ABL2: variants seen among roughly 807,000 people sequenced by gnomAD.
ABL2 encodes the protein ABL proto-oncogene 2, non-receptor tyrosine kinase.
In ABL2, 49 loss-of-function variants were observed where a neutral mutation model predicts 107.7. The ratio of observed to expected loss-of-function variants is 0.45; its 90% confidence interval spans 0.36 to 0.58. The LOEUF is 0.58. Among genes scored for constraint, ABL2 ranks in the 20% least tolerant of loss-of-function variants. The pLI is 0.00. For synonymous variants in ABL2, 549 were observed against 548.6 expected, an observed-to-expected ratio of 1.00 and a Z score of -0.01; for missense variants, 1,245 against 1,457.0, an observed-to-expected ratio of 0.85 and a Z score of 2.37.
intron 1 of ABL2, among the ~76,000 whole-genome samples, chr1:179,210,104 T>C (rs1181393444): frequency 2.0e-5 from 3 of 152,082 alleles, no homozygotes; most frequent in Non-Finnish European, 4.4e-5. Flanking sequence ...CCTCAAGCAA[T>C]CTTCCCCCTC....
intron 1 of ABL2, chr1:179,201,997 G>A: frequency 1.1e-6 from 1 of 907,668 alleles, no homozygotes; most frequent in Non-Finnish European, 1.4e-6. Flanking sequence ...GGAGAGGAGA[G>A]GGAAGGGAGC....
intron 1 of ABL2, among the ~76,000 whole-genome samples, chr1:179,225,586 T>C (rs182569271): frequency 1.3e-5 from 2 of 152,276 alleles, no homozygotes; most frequent in African/African-American, 4.8e-5. Context: ...GATTTAACAA[T>C]GTCTGGAGGC....
intron 1 of ABL2, among the ~76,000 whole-genome samples, chr1:179,213,311 C>G (rs191121069): frequency 6.6e-6 from 1 of 151,680 alleles, no homozygotes; most frequent in Non-Finnish European, 1.5e-5. Flanking sequence ...TATTTTTACG[C>G]TTATTTTTAT....
At chr1:179,214,519 C>CATAT (rs59744061) in intron 1 of ABL2, among the ~76,000 whole-genome samples, 6,888 of 121,788 alleles carry the variant, frequency 0.057, 197 homozygotes, top group East Asian at 0.071. Context: ...TTTAAAATGA[C>CATAT]ATATATATAT....
At chr1:179,166,776 C>CAAAA (rs34173352) in intron 1 of ABL2, among the ~76,000 whole-genome samples, 1 of 75,368 alleles carries the variant, frequency 1.3e-5, no homozygotes, top group Admixed American at 1.4e-4. Context: ...GACTTCATCT[C>CAAAA]AAAAAAAAAA....
At chr1:179,166,415 A>G (rs1196551308) in intron 1 of ABL2, among the ~76,000 whole-genome samples, 3 of 151,834 alleles carry the variant, frequency 2.0e-5, no homozygotes, top group Non-Finnish European at 2.9e-5. Flanking sequence ...AAAAAAAGAA[A>G]ATCAAACTCA....
At chr1:179,211,396 C>T (rs771648013) in intron 1 of ABL2, among the ~76,000 whole-genome samples, 13 of 151,850 alleles carry the variant, frequency 8.6e-5, no homozygotes, top group Non-Finnish European at 1.6e-4. Context: ...GTGGTATGTG[C>T]CTATAGTCCC....
intron 1 of ABL2, among the ~76,000 whole-genome samples, chr1:179,172,184 TAAAGA>T (rs1277875904): frequency 3.3e-5 from 5 of 152,292 alleles, no homozygotes; most frequent in South Asian, 4.1e-4. Context: ...ATGCTACACT[TAAAGA>T]AAAGGAAATT....
chr1:179,124,987 T>C (rs1207804117), intron 4 of ABL2, among the ~76,000 whole-genome samples: 2 of 152,204 alleles, frequency 1.3e-5, no homozygotes, highest in African/African-American at 4.8e-5. Context: ...TTAGGAGTCC[T>C]TCCCACTCCC....
intron 1 of ABL2, among the ~76,000 whole-genome samples, chr1:179,217,552 G>C (rs1396210415): frequency 6.7e-6 from 1 of 150,332 alleles, no homozygotes; most frequent in African/African-American, 2.5e-5. Flanking sequence ...TTTGAACCCA[G>C]TGGGTGGAGG....
rs149953640 is a variant in ABL2, at chr1:179,161,813, A to C, written c.158-28439T>G. Among the ~76,000 whole-genome samples the C allele has an allele frequency of 2.5e-3, 383 of 152,252 alleles. 1 individual carries two copies. Among genetic ancestry groups the C allele is most frequent in the African/African-American group, 9.0e-3 (372 of 41,558 alleles). Reference sequence around the variant, plus strand: ...TTTGTATGTTAGAAACTTGATCCTCAATGCAACAGTGCTGGGAGATGGGGC... The same window carrying C: ...TTTGTATGTTAGAAACTTGATCCTCCATGCAACAGTGCTGGGAGATGGGGC... On this transcript the variant is annotated intron_variant, in intron 1 of 11. Coordinates refer to ENST00000502732, the MANE Select transcript of ABL2 (RefSeq NM_007314.4).
At chr1:179,117,726 T>C (rs1012656627) in intron 7 of ABL2, among the ~76,000 whole-genome samples, 1 of 152,226 alleles carries the variant, frequency 6.6e-6, no homozygotes, top group African/African-American at 2.4e-5. Context: ...GCAGGCTTTA[T>C]AAAATGGGTC....
chr1:179,158,186 A>G (rs1005367805), intron 1 of ABL2, among the ~76,000 whole-genome samples: 2 of 152,222 alleles, frequency 1.3e-5, no homozygotes, highest in Admixed American at 1.3e-4. Context: ...GGCAAAAGGT[A>G]GAGAAAAGCA....
At chr1:179,120,986 A>G (rs1291549683) in intron 5 of ABL2, among the ~76,000 whole-genome samples, 1 of 150,088 alleles carries the variant, frequency 6.7e-6, no homozygotes, top group Non-Finnish European at 1.5e-5. Flanking sequence ...ATTGCTTCAC[A>G]CTCAGAATAT....
intron 1 of ABL2, among the ~76,000 whole-genome samples, chr1:179,153,230 A>G (rs923313093): frequency 1.3e-5 from 2 of 152,102 alleles, no homozygotes; most frequent in African/African-American, 4.8e-5. Flanking sequence ...TTTCCTGTTC[A>G]TTTCGTACAT....
chr1:179,148,039 CT>C (rs1393464807), intron 1 of ABL2, among the ~76,000 whole-genome samples: 2,707 of 130,994 alleles, frequency 0.021, 60 homozygotes, highest in African/African-American at 0.065. Flanking sequence ...CTTTTCTTTT[CT>C]TTTTTTTTTT....
In ABL2 at chr1:179,108,451, A is replaced by C. The variant is rs201190336; in HGVS notation, c.2816T>G (p.Leu939Arg). The C allele has an allele frequency of 6.2e-7, 1 of 1,614,222 alleles. No homozygotes were observed. Among genetic ancestry groups the C allele is most frequent in the Non-Finnish European group, 8.5e-7 (1 of 1,180,032 alleles). ...HKVPVLISPT[L>R]KHTPADVQLI... ...CTGCACGTCAGCTGGAGTGTGTTTC[A>C]GAGTGGGTGAGATAAGGACTGGCAC... is the stretch of plus-strand genomic sequence containing the variant. Residue 939 changes from leucine to arginine, a missense_variant, in exon 12 of 12, where the codon CTG becomes CGG. Leu to Arg is a moderately radical substitution (Grantham distance 102, BLOSUM62 -2). Coordinates refer to ENST00000502732, the MANE Select transcript of ABL2 (RefSeq NM_007314.4).
At chr1:179,125,756 C>T (rs904550617) in intron 4 of ABL2, among the ~76,000 whole-genome samples, 8 of 152,190 alleles carry the variant, frequency 5.3e-5, no homozygotes, top group African/African-American at 1.9e-4. Context: ...GCTTCCCCCA[C>T]AGCTTGCCTA....
chr1:179,222,671 G>A (rs1662939685), intron 1 of ABL2, among the ~76,000 whole-genome samples: 1 of 151,982 alleles, frequency 6.6e-6, no homozygotes, highest in Non-Finnish European at 1.5e-5. Context: ...TTACCAGCAT[G>A]AGCCACCGCG....
Sources: gnomAD v4.1 joint callset for allele counts (sites outside exome capture counted in the v4.1 genomes callset) on GRCh38, gnomAD v4.1.1 for gene constraint, MANE v1.5 for transcripts, NCBI Gene and HGNC (gene_info 2026-07-23, HGNC 2026-07-21) for gene names.